Variants in POLE2 observed in about 807,000 individuals in gnomAD.
POLE2 encodes DNA polymerase epsilon 2, accessory subunit.
Under a neutral mutation model 79.4 loss-of-function variants are expected in POLE2, and 56 were observed. The ratio of observed to expected loss-of-function variants is 0.71; its 90% CI spans 0.57 to 0.88. POLE2 has a LOEUF of 0.88. Among genes scored for constraint, POLE2 ranks in the 40% least tolerant of loss-of-function variants. The probability of loss-of-function intolerance (pLI) is 0.00; values close to 1 mark genes in which losing one functional copy is unlikely to be tolerated. For missense variants in POLE2, 598 were observed against 638.9 expected (o/e 0.94, Z 0.69); for synonymous variants, 212 against 214.0 (o/e 0.99, Z 0.08).
rs35984833 is a variant in POLE2 at position 49,682,640 on chromosome 14, G to GAAAAAAAAAAAAAA, written c.169+939_169+952dup. 1.1e-4 allele frequency among the ~76,000 whole-genome samples: 7 copies of GAAAAAAAAAAAAAA among 60,978 alleles called. 1 individual carries two copies. Among genetic ancestry groups the GAAAAAAAAAAAAAA allele is most frequent in the African/African-American group, 4.0e-4 (7 of 17,446 alleles). The allele number at this position is 60,978 out of a possible 152,430, so 40.0% of individuals were successfully genotyped here. On this transcript the variant is annotated intron_variant, in intron 2 of 18. Transcript: ENST00000216367. Reference sequence around the variant, plus strand: ...CGACAGTGCAAGACTCCTTCTCAGGGAAAAAAAAAAAAAAAAAAAAAAAAA... The same window carrying GAAAAAAAAAAAAAA: ...CGACAGTGCAAGACTCCTTCTCAGGGAAAAAAAAAAAAAAAAAAAAAAAAAAAAAAAAAAAAAAA...
At chr14:49,655,904 T>C (rs1884630116) in intron 10 of POLE2, 61 bp from the exon 11 acceptor site, 1 of 866,418 alleles carries the variant, frequency 1.2e-6, no homozygotes, top group South Asian at 1.7e-5. Flanking sequence ...CTAATAGTTG[T>C]ATACATTTAG....
intron 8 of POLE2, 113 bp from the exon 9 acceptor site, chr14:49,664,787 A>G: frequency 5.5e-6 from 4 of 733,754 alleles, no homozygotes; most frequent in South Asian, 1.6e-5. Context: ...CCCATTTGAA[A>G]CTGTGAATAG....
At chr14:49,664,005 C>T (rs1195557895) in intron 9 of POLE2, among the ~76,000 whole-genome samples, 1 of 149,786 alleles carries the variant, frequency 6.7e-6, no homozygotes, top group Non-Finnish European at 1.5e-5. Context: ...CCATTGCACT[C>T]CAGCCTGGGT....
intron 1 of POLE2, among the ~76,000 whole-genome samples, chr14:49,687,081 C>T (rs1887191764): frequency 6.6e-6 from 1 of 151,930 alleles, no homozygotes; most frequent in African/African-American, 2.4e-5. Flanking sequence ...CCCAGGAGTT[C>T]AAGACCAGCC....
chr14:49,681,106 C>A (rs1046369483), intron 2 of POLE2, among the ~76,000 whole-genome samples: 1 of 152,162 alleles, frequency 6.6e-6, no homozygotes, highest in African/African-American at 2.4e-5. Flanking sequence ...CACTTCTCAG[C>A]CTTTTATGCT....
At chr14:49,682,628 C>T (rs927390134) in intron 2 of POLE2, among the ~76,000 whole-genome samples, 29 of 121,876 alleles carry the variant, frequency 2.4e-4, no homozygotes, top group African/African-American at 1.0e-3. Flanking sequence ...CAGTGCAAGA[C>T]TCCTTCTCAG....
chr14:49,675,846 T>C (rs1347708899), intron 3 of POLE2, among the ~76,000 whole-genome samples: 143 of 137,486 alleles, frequency 1.0e-3, no homozygotes, highest in South Asian at 3.0e-3. Context: ...CTCTGCCTCC[T>C]GGGTTCAAGT....
At chr14:49,684,575 C>G (rs977639736) in intron 1 of POLE2, 2 of 150,918 alleles carry the variant, frequency 1.3e-5, no homozygotes, top group African/African-American at 4.9e-5. Context: ...TGGCACTCCA[C>G]TTGACAAAGA....
At chr14:49,671,880 G>A (rs1168941513) in intron 5 of POLE2, among the ~76,000 whole-genome samples, 1 of 152,132 alleles carries the variant, frequency 6.6e-6, no homozygotes, top group Non-Finnish European at 1.5e-5. Context: ...CTTGAACCCA[G>A]GAGGCAGAGG....
rs35626789 is a variant in POLE2 at position 49,664,041 on chromosome 14, GAAA to G, written c.682+582_682+584del. Among the ~76,000 whole-genome samples, 9 of 116,944 alleles carry G rather than the reference GAAA, an allele frequency of 7.7e-5. 1 individual carries two copies. In the South Asian group the frequency reaches 1.6e-3, roughly 21 times the overall value. 76.7% of individuals were successfully genotyped at this position (116,944 alleles called of 152,430 possible). On this transcript the variant is annotated intron_variant, in intron 9 of 18. Transcript: ENST00000216367. ...GACAGAGTGAGACTCCATCTCAAAA[GAAA>G]AAAAAAAAAAGTATATAATTCAGGC... is the stretch of plus-strand genomic sequence containing the variant.
intron 2 of POLE2, among the ~76,000 whole-genome samples, chr14:49,682,640 GAAAAAAA>G (rs35984833): frequency 0.013 from 782 of 60,954 alleles, 11 homozygotes; most frequent in African/African-American, 0.042. Flanking sequence ...CCTTCTCAGG[GAAAAAAA>G]AAAAAAAAAA....
chr14:49,650,282 A>T lies in POLE2; in HGVS notation c.1480T>A (p.Cys494Ser), dbSNP rs766229150. Residue 494 changes from cysteine (C) to serine (S), a missense_variant, in exon 17 of 19, where the codon TGC becomes AGC. By Grantham distance (112) the Cys-to-Ser change is moderately radical. Transcript: ENST00000216367. ...YDPFTTTNTE[C>S]LCINPGSFPR... ...ATTCTTACAGGGTTTATGCAGAGGC[A>T]TTCGGTATTTGTCGTAGTGAAAGGA... The T allele has an allele frequency of 6.2e-7, 1 of 1,600,066 alleles. No individual in the cohort carries two copies. Among genetic ancestry groups the T allele is most frequent in the East Asian group, 2.3e-5 (1 of 44,232 alleles).
At chr14:49,666,063 T>G (rs1315453939) in intron 7 of POLE2, among the ~76,000 whole-genome samples, 1 of 152,168 alleles carries the variant, frequency 6.6e-6, no homozygotes, top group Admixed American at 6.5e-5. Flanking sequence ...CGGCCTCAGG[T>G]GATCCGCCCA....
chr14:49,684,041 G>C (rs983273892), intron 1 of POLE2, among the ~76,000 whole-genome samples: 3 of 152,024 alleles, frequency 2.0e-5, no homozygotes, highest in African/African-American at 7.3e-5. Context: ...TACATTTAAG[G>C]CAAGAGTCCA....
In POLE2 at chr14:49,663,402, C is replaced by T. The variant is rs539624206; in HGVS notation, c.683-15G>A. ...TTCAAACCAACCTGAAAAAAAGTAA[C>T]GTCACTTTCATTTGTCTAATCCTCT... On this transcript the variant is annotated splice_polypyrimidine_tract_variant and intron_variant, in intron 9 of 18. Transcript: ENST00000216367. 7.6e-6 allele frequency: 12 copies of T among 1,583,376 alleles called. No homozygotes were observed. The highest frequency in any genetic ancestry group is 1.3e-5 in the African/African-American group (1 of 74,142).
Position 49,654,210 on chromosome 14 carries a change from G to A in POLE2, c.1078C>T (p.Arg360Cys), listed in dbSNP as rs1469979670. The A allele has an allele frequency of 4.4e-6, 7 of 1,602,830 alleles. No homozygotes were observed. The highest frequency in any genetic ancestry group is 1.1e-5 in the South Asian group (1 of 90,092). Residue 360 changes from arginine (R) to cysteine (C), a missense_variant, in exon 14 of 19, where the codon CGT becomes TGT. By Grantham distance (180) the Arg-to-Cys change is radical. Coordinates refer to ENST00000216367, the MANE Select transcript of POLE2 (RefSeq NM_002692.4). ...CEYPDIHQSS[R>C]FVFVPGPEDP... is the part of the protein sequence containing the mutation. ...TCTGGACCAGGTACAAACACAAAACGACTACTGTAGCAAAATTCAACACAA... is the reference window on the plus strand; with the variant it reads ...TCTGGACCAGGTACAAACACAAAACAACTACTGTAGCAAAATTCAACACAA...
chr14:49,657,293 A>G (rs960639407), intron 10 of POLE2, among the ~76,000 whole-genome samples: 2 of 152,162 alleles, frequency 1.3e-5, no homozygotes, highest in Admixed American at 6.6e-5. Context: ...TTAGATGAAA[A>G]ACACAGGTTA....
chr14:49,670,152 C>T (rs1427380755), intron 5 of POLE2, among the ~76,000 whole-genome samples: 4 of 151,620 alleles, frequency 2.6e-5, no homozygotes, highest in African/African-American at 9.7e-5. Context: ...CACGTCTCTA[C>T]CAAAAATACA....
At chr14:49,670,317 CAAAA>C (rs61383006) in intron 5 of POLE2, among the ~76,000 whole-genome samples, 8 of 59,108 alleles carry the variant, frequency 1.4e-4, no homozygotes, top group African/African-American at 3.3e-4. Flanking sequence ...ACTGTGTCTC[CAAAA>C]AAAAAAAAAA....
Sources: allele counts gnomAD v4.1 joint callset (sites outside exome capture counted in the v4.1 genomes callset), GRCh38; gene constraint gnomAD v4.1.1; transcripts MANE v1.5; gene names NCBI Gene and HGNC (gene_info 2026-07-23, HGNC 2026-07-21).